STK39: variants seen among roughly 807,000 people sequenced by gnomAD.
STK39 encodes STE20/SPS1-related proline-alanine-rich protein kinase.
In STK39, 20 loss-of-function variants were observed where a neutral mutation model predicts 77.8. The observed-to-expected ratio is 0.26, with a 90% CI of 0.18 to 0.37. STK39 has a LOEUF of 0.37. Ranked by LOEUF, STK39 falls within the 10% of genes least tolerant of loss-of-function variation. STK39 has a pLI of 1.00. For missense variants in STK39, 479 were observed against 656.5 expected, an observed-to-expected ratio of 0.73 and a Z score of 2.95; for synonymous variants, 246 against 234.1, an observed-to-expected ratio of 1.05 and a Z score of -0.47.
intron 7 of STK39, among the ~76,000 whole-genome samples, chr2:168,138,991 T>TC (rs1223194209): frequency 1.3e-5 from 2 of 152,252 alleles, no homozygotes; most frequent in African/African-American, 4.8e-5. Flanking sequence ...CATTAATGCA[T>TC]AATTCAGCCT....
chr2:168,059,352 A>T (rs1685605094), intron 14 of STK39, among the ~76,000 whole-genome samples: 1 of 152,178 alleles, frequency 6.6e-6, no homozygotes, highest in Non-Finnish European at 1.5e-5. Flanking sequence ...AAAGTTCCAA[A>T]TCAGTTTGAT....
chr2:168,009,416 A>G lies in STK39; in HGVS notation c.1498+3218T>C, dbSNP rs942476077. Among the ~76,000 whole-genome samples, 3 of 152,208 alleles carry G rather than the reference A, an allele frequency of 2.0e-5. 1 individual carries two copies. Among genetic ancestry groups the G allele is most frequent in the Non-Finnish European group, 4.4e-5 (3 of 68,034 alleles). On this transcript the variant is annotated intron_variant, in intron 16 of 17. Transcript: ENST00000355999. ...AACAAGGAAAAGCTACTTTTCTCCC[A>G]GGGGACACAAGAACCACCAACATTT...
At chr2:168,163,911 A>C in intron 3 of STK39, 31 bp from the exon 4 acceptor site, 1 of 1,605,426 alleles carries the variant, frequency 6.2e-7, no homozygotes, top group Non-Finnish European at 8.5e-7. Context: ...ATTAAAACAT[A>C]AGCACCTTCA....
chr2:168,171,866 C>CCG, intron 2 of STK39, among the ~76,000 whole-genome samples: 1 of 97,918 alleles, frequency 1.0e-5, no homozygotes, highest in African/African-American at 5.9e-5. Context: ...CCCCCCTCCC[C>CCG]CCCACACACA....
At chr2:168,031,630 TA>T (rs1309299377) in intron 14 of STK39, among the ~76,000 whole-genome samples, 13 of 152,136 alleles carry the variant, frequency 8.5e-5, no homozygotes, top group Non-Finnish European at 1.8e-4. Flanking sequence ...GGTGTCGTTA[TA>T]AGAAGAGATT....
intron 14 of STK39, among the ~76,000 whole-genome samples, chr2:168,032,114 A>G (rs886992374): frequency 2.0e-5 from 3 of 152,352 alleles, no homozygotes; most frequent in East Asian, 1.9e-4. Flanking sequence ...TATTCATGAA[A>G]TATAGTCTTC....
rs142442145 is a variant in STK39 at position 168,209,445 on chromosome 2, G to A, written c.209-27355C>T. Among the ~76,000 whole-genome samples, 609 of 152,176 alleles carry A rather than the reference G, an allele frequency of 4.0e-3. 7 individuals are homozygous for A. The highest frequency in any genetic ancestry group is 0.014 in the African/African-American group (587 of 41,516). On this transcript the variant is annotated intron_variant, in intron 1 of 17. Coordinates refer to ENST00000355999, the MANE Select transcript of STK39 (RefSeq NM_013233.3). ...TAATCCCAGCACTTTGGGAGGCGGAGGTGGGCAGATCCCCTGAGGTCAGGA... is the reference window on the plus strand; with the variant it reads ...TAATCCCAGCACTTTGGGAGGCGGAAGTGGGCAGATCCCCTGAGGTCAGGA...
intron 3 of STK39, among the ~76,000 whole-genome samples, chr2:168,166,118 G>C (rs1688689158): frequency 6.6e-6 from 1 of 152,172 alleles, no homozygotes; most frequent in Non-Finnish European, 1.5e-5. Flanking sequence ...ACAAATTCCA[G>C]CACCAACATT....
chr2:167,959,787 G>A lies in STK39; in HGVS notation c.1564-4217C>T, dbSNP rs1421455372. ...TTTTTTACAGTGAGTGACAGTGCCT[G>A]GCTCTGAGGAACACAGTGACTATTA... is the stretch of plus-strand genomic sequence containing the variant. On this transcript the variant is annotated intron_variant, in intron 17 of 17. Transcript: ENST00000355999. Among the ~76,000 whole-genome samples, 7 of 152,180 alleles carry A rather than the reference G, an allele frequency of 4.6e-5. 1 individual carries two copies. Among genetic ancestry groups the A allele is most frequent in the African/African-American group, 1.7e-4 (7 of 41,448 alleles).
intron 10 of STK39, among the ~76,000 whole-genome samples, chr2:168,079,939 A>C (rs182130861): frequency 1.6e-4 from 25 of 152,306 alleles, no homozygotes; most frequent in Admixed American, 1.6e-3. Flanking sequence ...CCATGGCCCA[A>C]GCTCATACAG....
Position 168,035,504 on chromosome 2 carries a change from C to T in STK39, c.1377-18409G>A, listed in dbSNP as rs529214822. Among the ~76,000 whole-genome samples the T allele has an allele frequency of 6.6e-5, 10 of 152,148 alleles. No homozygotes were observed. The East Asian group carries it at 1.7e-3, about 26-fold the overall frequency. ...AACTTCGGCAGAATGTCTAACAGGA[C>T]ATTTAATTAGGTAGACGTGATCAAG... is the stretch of plus-strand genomic sequence containing the variant. On this transcript the variant is annotated intron_variant, in intron 14 of 17. Transcript: ENST00000355999.
chr2:168,132,625 G>A (rs1486382359), intron 8 of STK39, among the ~76,000 whole-genome samples: 4 of 152,022 alleles, frequency 2.6e-5, no homozygotes, highest in African/African-American at 7.3e-5. Flanking sequence ...GCACACCCTC[G>A]CTCATCAGTC....
chr2:167,987,361 A>G (rs935360298), intron 16 of STK39, among the ~76,000 whole-genome samples: 1 of 152,150 alleles, frequency 6.6e-6, no homozygotes, highest in Admixed American at 6.5e-5. Flanking sequence ...AAGCTTTTTA[A>G]AACTCTGTGA....
intron 17 of STK39, among the ~76,000 whole-genome samples, chr2:167,956,734 CCCG>C (rs1691794729): frequency 1.9e-5 from 1 of 52,602 alleles, no homozygotes; most frequent in African/African-American, 6.8e-5. Context: ...TCTCTCCCCC[CCCG>C]CCCCCTCAGA....
intron 17 of STK39, among the ~76,000 whole-genome samples, chr2:167,958,173 T>C (rs1352615637): frequency 1.3e-5 from 2 of 152,194 alleles, no homozygotes. Flanking sequence ...TCTTCAAGAA[T>C]TACTGAGGAC....
Position 167,954,585 on chromosome 2 carries a change from T to C in STK39, c.*911A>G, listed in dbSNP as rs1691716277. On this transcript the variant is annotated 3_prime_UTR_variant, in exon 18 of 18. Coordinates refer to ENST00000355999, the MANE Select transcript of STK39 (RefSeq NM_013233.3). ...GCAATCTAACAGAATGGCAACATTTTACATAGCATTCTAAACGGTCCAATG... is the reference window on the plus strand; with the variant it reads ...GCAATCTAACAGAATGGCAACATTTCACATAGCATTCTAAACGGTCCAATG... 6.6e-6 allele frequency: 1 copy of C among 152,654 alleles called. No individual in the cohort carries two copies. Among genetic ancestry groups the C allele is most frequent in the Admixed American group, 6.5e-5 (1 of 15,282 alleles). 9.5% of individuals were successfully genotyped at this position (152,654 alleles called of 1,614,324 possible).
chr2:168,168,871 G>T (rs1416333647), intron 2 of STK39, among the ~76,000 whole-genome samples: 1 of 152,064 alleles, frequency 6.6e-6, no homozygotes, highest in Non-Finnish European at 1.5e-5. Flanking sequence ...TAGTCCCAAT[G>T]ACTGAGGAAG....
At chr2:167,979,178 C>T (rs2105264300) in intron 16 of STK39, among the ~76,000 whole-genome samples, 1 of 152,176 alleles carries the variant, frequency 6.6e-6, no homozygotes, top group South Asian at 2.1e-4. Flanking sequence ...TTTCTTTTTG[C>T]TTGGGTAGAT....
chr2:168,106,869 G>A (rs531071353), intron 10 of STK39, among the ~76,000 whole-genome samples: 1 of 152,120 alleles, frequency 6.6e-6, no homozygotes, highest in African/African-American at 2.4e-5. Flanking sequence ...ACATAAATAC[G>A]TATGTATGTA....
Sources: allele counts gnomAD v4.1 joint callset (sites outside exome capture counted in the v4.1 genomes callset), GRCh38; gene constraint gnomAD v4.1.1; transcripts MANE v1.5; gene names NCBI Gene and HGNC (gene_info 2026-07-23, HGNC 2026-07-21).